CNTNAP2: variants seen among roughly 807,000 people sequenced by gnomAD.
The protein encoded by CNTNAP2 is contactin-associated protein-like 2.
In CNTNAP2, 98 loss-of-function variants were observed where a neutral mutation model predicts 155.2. That is an observed-to-expected ratio of 0.63 (90% CI 0.54 to 0.75). The LOEUF (loss-of-function observed/expected upper bound fraction) is 0.75, where lower values mean the gene tolerates loss of function less well. Among genes scored for constraint, CNTNAP2 ranks in the 30% least tolerant of loss-of-function variants. CNTNAP2 has a pLI of 0.00. For missense variants in CNTNAP2, 1,727 were observed against 1,688.1 expected (o/e 1.02, Z -0.40); for synonymous variants, 651 against 631.2 (o/e 1.03, Z -0.47).
chr7:148,350,296 G>A (rs927446687), intron 21 of CNTNAP2, among the ~76,000 whole-genome samples: 66 of 152,248 alleles, frequency 4.3e-4, no homozygotes, highest in South Asian at 4.1e-4. Context: ...GTCTACAGCC[G>A]CAAATACAGG....
intron 22 of CNTNAP2, among the ~76,000 whole-genome samples, chr7:148,406,953 T>C (rs1272414418): frequency 6.6e-6 from 1 of 150,580 alleles, no homozygotes; most frequent in African/African-American, 2.5e-5. Flanking sequence ...AAACAGACCA[T>C]GTCGGACCAA....
intron 3 of CNTNAP2, among the ~76,000 whole-genome samples, chr7:147,041,207 A>C (rs1799253152): frequency 6.6e-6 from 1 of 152,190 alleles, no homozygotes; most frequent in African/African-American, 2.4e-5. Flanking sequence ...TTTTTTCAAC[A>C]TAACTACTTT....
chr7:146,586,050 C>G (rs1261850832), intron 1 of CNTNAP2, among the ~76,000 whole-genome samples: 2 of 129,584 alleles, frequency 1.5e-5, no homozygotes, highest in Non-Finnish European at 3.4e-5. Flanking sequence ...GAAAACAAAG[C>G]AAAATTACAA....
At chr7:148,198,613 ACT>A (rs1233637133) in intron 18 of CNTNAP2, among the ~76,000 whole-genome samples, 1 of 152,186 alleles carries the variant, frequency 6.6e-6, no homozygotes, top group Non-Finnish European at 1.5e-5. Flanking sequence ...TTTGGAGGAC[ACT>A]GTGTTCTTCT....
At chr7:148,285,728 T>C (rs1330527756) in intron 21 of CNTNAP2, among the ~76,000 whole-genome samples, 4 of 152,242 alleles carry the variant, frequency 2.6e-5, no homozygotes, top group Non-Finnish European at 4.4e-5. Flanking sequence ...GGTGGGTCTT[T>C]CTGTGCTTGT....
intron 8 of CNTNAP2, among the ~76,000 whole-genome samples, chr7:147,170,695 G>A (rs1245409374): frequency 6.6e-6 from 1 of 152,154 alleles, no homozygotes; most frequent in Non-Finnish European, 1.5e-5. Flanking sequence ...CCTCTGGACT[G>A]GGTTGGGTTG....
At chr7:146,841,191 G>A (rs1334078313) in intron 3 of CNTNAP2, among the ~76,000 whole-genome samples, 1 of 152,182 alleles carries the variant, frequency 6.6e-6, no homozygotes, top group Non-Finnish European at 1.5e-5. Flanking sequence ...TTAAAGCTCC[G>A]ATGGTGATGC....
chr7:146,922,330 T>G (rs765218438), intron 3 of CNTNAP2, among the ~76,000 whole-genome samples: 4 of 152,058 alleles, frequency 2.6e-5, no homozygotes, highest in Non-Finnish European at 5.9e-5. Flanking sequence ...TTGCTTTTAT[T>G]GACATTGTAT....
intron 13 of CNTNAP2, among the ~76,000 whole-genome samples, chr7:147,788,737 C>T (rs1430986350): frequency 6.6e-6 from 1 of 151,996 alleles, no homozygotes; most frequent in Non-Finnish European, 1.5e-5. Flanking sequence ...GCCTGACCTG[C>T]CTCCAACCCC....
chr7:147,108,113 C>A (rs1363656712), intron 4 of CNTNAP2, 34 bp from the exon 5 acceptor site: 5 of 1,574,264 alleles, frequency 3.2e-6, no homozygotes, highest in Non-Finnish European at 4.3e-6. Context: ...ACATACATGG[C>A]TGAACTAATA....
intron 11 of CNTNAP2, among the ~76,000 whole-genome samples, chr7:147,550,781 T>C (rs1402271101): frequency 6.6e-6 from 1 of 152,140 alleles, no homozygotes; most frequent in African/African-American, 2.4e-5. Flanking sequence ...ACAACAGATA[T>C]TATATAGCAG....
At chr7:146,725,390 C>G (rs1801413955) in intron 1 of CNTNAP2, among the ~76,000 whole-genome samples, 1 of 152,140 alleles carries the variant, frequency 6.6e-6, no homozygotes, top group African/African-American at 2.4e-5. Flanking sequence ...TGCCTTTAGC[C>G]TTCAAACTGC....
chr7:148,301,152 G>A (rs900405096), intron 21 of CNTNAP2, among the ~76,000 whole-genome samples: 1 of 151,672 alleles, frequency 6.6e-6, no homozygotes, highest in Non-Finnish European at 1.5e-5. Context: ...AAATTGGCTG[G>A]GCATGGTGGC....
chr7:146,751,574 A>G (rs1337390623), intron 1 of CNTNAP2, among the ~76,000 whole-genome samples: 2 of 152,050 alleles, frequency 1.3e-5, no homozygotes, highest in Non-Finnish European at 2.9e-5. Context: ...AGGCTACTAA[A>G]TCTTACATTT....
intron 4 of CNTNAP2, among the ~76,000 whole-genome samples, chr7:147,064,770 C>A (rs1407140068): frequency 1.3e-5 from 2 of 152,112 alleles, no homozygotes; most frequent in African/African-American, 4.8e-5. Context: ...CCATCTCCAA[C>A]AAAACTATAT....
chr7:147,298,328 G>C (rs1356767933), intron 8 of CNTNAP2, among the ~76,000 whole-genome samples: 3 of 152,066 alleles, frequency 2.0e-5, no homozygotes, highest in Non-Finnish European at 4.4e-5. Context: ...GGAGGCTGAG[G>C]TGGGAGAATC....
At chr7:146,220,931 A>G (rs1191013085) in intron 1 of CNTNAP2, among the ~76,000 whole-genome samples, 1 of 152,200 alleles carries the variant, frequency 6.6e-6, no homozygotes, top group Admixed American at 6.5e-5. Flanking sequence ...CAAATATTTC[A>G]TCCCACCCAG....
chr7:146,225,155 C>T (rs761558939), intron 1 of CNTNAP2, among the ~76,000 whole-genome samples: 2 of 151,962 alleles, frequency 1.3e-5, no homozygotes, highest in Non-Finnish European at 2.9e-5. Context: ...TACATCATGG[C>T]TTTAAGCAAA....
chr7:148,013,096 A>G (rs6953539), intron 15 of CNTNAP2: 103,681 of 152,066 alleles, frequency 0.68, 35,903 homozygotes, highest in East Asian at 0.83. Flanking sequence ...TTATGAGGAA[A>G]AGATGTGGTT....
Sources: allele counts gnomAD v4.1 joint callset (sites outside exome capture counted in the v4.1 genomes callset), GRCh38; gene constraint gnomAD v4.1.1; transcripts MANE v1.5; gene names NCBI Gene and HGNC (gene_info 2026-07-23, HGNC 2026-07-21).